The following ANKRD30BL variants were observed in gnomAD, a reference collection of about 807,000 sequenced individuals.
ANKRD30BL encodes putative ankyrin repeat domain-containing protein 30B-like.
A neutral mutation model predicts 18.4 loss-of-function variants in ANKRD30BL; 20 were observed. The ratio of observed to expected loss-of-function variants is 1.09; its 90% CI spans 0.77 to 1.58. The LOEUF (loss-of-function observed/expected upper bound fraction) is 1.58, where lower values mean the gene tolerates loss of function less well. Among genes scored for constraint, ANKRD30BL ranks in the 40% most tolerant of loss-of-function variants. ANKRD30BL has a pLI of 0.00. For synonymous variants in ANKRD30BL, 72 were observed against 100.9 expected, an observed-to-expected ratio of 0.71 and a Z score of 1.72; for missense variants, 224 against 268.6, an observed-to-expected ratio of 0.83 and a Z score of 1.16.
chr2:132,161,730 G>A lies in ANKRD30BL; in HGVS notation c.-25C>T. ...TGGCTGCAGCCACCTGCTAGAGAGAGCCCGTGCCTCCCGCTGCTCGCCCTT... is the reference window on the plus strand; with the variant it reads ...TGGCTGCAGCCACCTGCTAGAGAGAACCCGTGCCTCCCGCTGCTCGCCCTT... On this transcript the variant is annotated 5_prime_UTR_variant, in exon 1 of 6. Transcript: ENST00000409867. The A allele has an allele frequency of 8.6e-7, 1 of 1,162,050 alleles. No individual in the cohort carries two copies. The allele number at this position is 1,162,050 out of a possible 1,614,324, so 72.0% of individuals were successfully genotyped here. A position where few individuals can be genotyped will look rare whatever the true frequency, so the allele number is the denominator to read the frequency against.
chr2:132,223,695 G>C (rs1679761212), intron 1 of ANKRD30BL, among the ~76,000 whole-genome samples: 1 of 145,614 alleles, frequency 6.9e-6, no homozygotes, highest in Non-Finnish European at 1.5e-5. Flanking sequence ...CAGACTTGAA[G>C]CTTTCTTTTG....
intron 1 of ANKRD30BL, among the ~76,000 whole-genome samples, chr2:132,197,337 T>G (rs1678989591): frequency 6.6e-6 from 1 of 152,222 alleles, no homozygotes; most frequent in South Asian, 2.1e-4. Flanking sequence ...GTATATCACC[T>G]TCACTGTTTT....
intron 1 of ANKRD30BL, among the ~76,000 whole-genome samples, chr2:132,184,481 T>C (rs1272463223): frequency 6.6e-6 from 1 of 152,228 alleles, no homozygotes; most frequent in African/African-American, 2.4e-5. Flanking sequence ...ACATTCTTGT[T>C]ATATTCAAAT....
At chr2:132,252,296 C>T (rs10206008) in intron 1 of ANKRD30BL, among the ~76,000 whole-genome samples, 16,482 of 152,224 alleles carry the variant, frequency 0.11, 2,943 homozygotes, top group African/African-American at 0.37. Context: ...ACATACTAAA[C>T]GGAGGTGGGG....
intron 1 of ANKRD30BL, among the ~76,000 whole-genome samples, chr2:132,185,307 C>T (rs942160731): frequency 6.6e-6 from 1 of 152,166 alleles, no homozygotes; most frequent in African/African-American, 2.4e-5. Context: ...TCAATTCTCA[C>T]CACCAGAGAG....
At chr2:132,197,388 G>A (rs1189510913) in intron 1 of ANKRD30BL, among the ~76,000 whole-genome samples, 1 of 151,992 alleles carries the variant, frequency 6.6e-6, no homozygotes, top group African/African-American at 2.4e-5. Context: ...ATTCTAGTTT[G>A]AAATGATTTC....
chr2:132,190,221 CA>C (rs1200803223), intron 1 of ANKRD30BL, among the ~76,000 whole-genome samples: 1 of 152,030 alleles, frequency 6.6e-6, no homozygotes, highest in Non-Finnish European at 1.5e-5. Context: ...AAACATTTTA[CA>C]TAAGAACTCC....
chr2:132,250,637 G>A (rs368273132), intron 1 of ANKRD30BL, among the ~76,000 whole-genome samples: 1 of 152,208 alleles, frequency 6.6e-6, no homozygotes, highest in Non-Finnish European at 1.5e-5. Flanking sequence ...CAGCTTTGGT[G>A]CAGAAACAAA....
intron 1 of ANKRD30BL, among the ~76,000 whole-genome samples, chr2:132,238,468 G>A (rs1392412648): frequency 6.6e-6 from 1 of 152,092 alleles, no homozygotes; most frequent in South Asian, 2.1e-4. Context: ...CAAGACAGAA[G>A]CATTCTCAGA....
At chr2:132,167,872 C>G (rs985473377) in intron 1 of ANKRD30BL, among the ~76,000 whole-genome samples, 1 of 152,222 alleles carries the variant, frequency 6.6e-6, no homozygotes, top group Non-Finnish European at 1.5e-5. Context: ...ATTGTACCTC[C>G]TGTACCTTAT....
chr2:132,149,746 A>G (rs1687707412), intron 5 of ANKRD30BL, among the ~76,000 whole-genome samples: 1 of 152,190 alleles, frequency 6.6e-6, no homozygotes, highest in African/African-American at 2.4e-5. Context: ...TTGCCACTGC[A>G]AGATACTAAG....
At chr2:132,178,338 G>A (rs1295481794) in intron 1 of ANKRD30BL, among the ~76,000 whole-genome samples, 2 of 152,148 alleles carry the variant, frequency 1.3e-5, no homozygotes, top group African/African-American at 2.4e-5. Flanking sequence ...TCCAATAAAG[G>A]TTCAGGGACA....
chr2:132,256,494 G>A (rs979285796), intron 1 of ANKRD30BL, among the ~76,000 whole-genome samples: 1 of 152,244 alleles, frequency 6.6e-6, no homozygotes, highest in Non-Finnish European at 1.5e-5. Context: ...GGGCGGCCCC[G>A]ACGTTTGGGC....
chr2:132,151,335 T>A (rs1687749451), intron 4 of ANKRD30BL, among the ~76,000 whole-genome samples: 1 of 152,112 alleles, frequency 6.6e-6, no homozygotes, highest in Non-Finnish European at 1.5e-5. Flanking sequence ...AAAATGAGGA[T>A]TTTAGGGCCT....
intron 1 of ANKRD30BL, among the ~76,000 whole-genome samples, chr2:132,170,248 T>C (rs1688254150): frequency 6.6e-6 from 1 of 152,178 alleles, no homozygotes; most frequent in Admixed American, 6.5e-5. Flanking sequence ...TACATTCTTG[T>C]CACACAGCCT....
At chr2:132,231,894 A>G (rs539579012) in intron 1 of ANKRD30BL, among the ~76,000 whole-genome samples, 1 of 152,320 alleles carries the variant, frequency 6.6e-6, no homozygotes, top group East Asian at 1.9e-4. Context: ...AAGGGCACAG[A>G]CAAACAAAAA....
rs1481220035 is a variant in ANKRD30BL at position 132,222,033 on chromosome 2, G to A, written n.441+35496C>T. Among the ~76,000 whole-genome samples the A allele has an allele frequency of 3.7e-3, 507 of 135,712 alleles. 2 individuals carry two copies. Among genetic ancestry groups the A allele is most frequent in the South Asian group, 0.016 (73 of 4,442 alleles). 89.0% of individuals were successfully genotyped at this position (135,712 alleles called of 152,430 possible). On this transcript the variant is annotated intron_variant and non_coding_transcript_variant, in intron 1 of 4. Coordinates refer to the ANKRD30BL transcript ENST00000470729. ...CTCTGCCCGGCCAGCCACCCTGTCCGGGAGGGAGGCGGGGGGGGGGGTCGG... is the reference window on the plus strand; with the variant it reads ...CTCTGCCCGGCCAGCCACCCTGTCCAGGAGGGAGGCGGGGGGGGGGGTCGG...
intron 1 of ANKRD30BL, among the ~76,000 whole-genome samples, chr2:132,243,046 G>T (rs1680383624): frequency 6.6e-6 from 1 of 151,352 alleles, no homozygotes; most frequent in South Asian, 2.1e-4. Context: ...TTGGAAACGG[G>T]AATATCTTCA....
intron 1 of ANKRD30BL, among the ~76,000 whole-genome samples, chr2:132,233,766 A>G (rs1680081527): frequency 6.8e-6 from 1 of 147,808 alleles, no homozygotes; most frequent in Admixed American, 6.8e-5. Context: ...TGTCAACATT[A>G]GACAGATCAA....
Sources: gnomAD v4.1 joint callset for allele counts (sites outside exome capture counted in the v4.1 genomes callset) on GRCh38, gnomAD v4.1.1 for gene constraint, MANE v1.5 for transcripts, NCBI Gene and HGNC (gene_info 2026-07-23, HGNC 2026-07-21) for gene names.